SPMIP2: variants seen among roughly 807,000 people sequenced by gnomAD.
The protein encoded by SPMIP2 is sperm microtubule inner protein 2, also known as protein SPMIP2.
the SPMIP2 span, among the ~76,000 whole-genome samples, chr4:158,964,151 T>TCAAAA: frequency 0.36 from 35,759 of 99,896 alleles, 6,289 homozygotes; most frequent in Non-Finnish European, 0.51. Flanking sequence ...TGAGACTATC[T>TCAAAA]CAAAACAAAA....
At chr4:158,912,345 C>T in the SPMIP2 span, among the ~76,000 whole-genome samples, 1 of 152,138 alleles carries the variant, frequency 6.6e-6, no homozygotes, top group African/African-American at 2.4e-5. Flanking sequence ...GAAAACCAAA[C>T]TCAAAGCATG....
At chr4:159,039,925 G>C in the SPMIP2 span, among the ~76,000 whole-genome samples, 4 of 152,182 alleles carry the variant, frequency 2.6e-5, no homozygotes, top group Admixed American at 2.6e-4. Flanking sequence ...ATATCTTAAT[G>C]ATATAAAAGT....
the SPMIP2 span, among the ~76,000 whole-genome samples, chr4:159,033,868 T>C: frequency 6.6e-6 from 1 of 152,136 alleles, no homozygotes; most frequent in South Asian, 2.1e-4. Flanking sequence ...AAAGGCCAGG[T>C]TCACGCCTGG....
the SPMIP2 span, chr4:158,904,363 A>G: frequency 2.9e-6 from 3 of 1,025,910 alleles, no homozygotes; most frequent in Admixed American, 6.2e-5. Flanking sequence ...TAATCTATCA[A>G]ACTTAGTACC....
At chr4:158,964,180 AACAAAAC>A in the SPMIP2 span, among the ~76,000 whole-genome samples, 2 of 73,650 alleles carry the variant, frequency 2.7e-5, no homozygotes, top group Admixed American at 3.1e-4. Context: ...AACAAAACAA[AACAAAAC>A]AAAAAACATG....
chr4:159,025,136 A>G, the SPMIP2 span, among the ~76,000 whole-genome samples: 1 of 152,194 alleles, frequency 6.6e-6, no homozygotes, highest in Non-Finnish European at 1.5e-5. Flanking sequence ...GGGAACCAGC[A>G]GGGTGGGCAT....
chr4:158,917,490 C>A, the SPMIP2 span, among the ~76,000 whole-genome samples: 1 of 151,926 alleles, frequency 6.6e-6, no homozygotes, highest in Non-Finnish European at 1.5e-5. Flanking sequence ...CTTTCAGACA[C>A]ACACAGTCCT....
At chr4:159,047,770 C>T in the SPMIP2 span, among the ~76,000 whole-genome samples, 2 of 152,184 alleles carry the variant, frequency 1.3e-5, no homozygotes, top group South Asian at 4.1e-4. Flanking sequence ...TATGGAGAGC[C>T]CTGCCTCTGG....
At chr4:159,018,601 A>T in the SPMIP2 span, among the ~76,000 whole-genome samples, 2 of 152,230 alleles carry the variant, frequency 1.3e-5, no homozygotes, top group Non-Finnish European at 2.9e-5. Context: ...AACTATAAAA[A>T]GTGAAAGGAG....
At chr4:159,066,520 A>ATATG in the SPMIP2 span, among the ~76,000 whole-genome samples, 1 of 151,488 alleles carries the variant, frequency 6.6e-6, no homozygotes, top group East Asian at 1.9e-4. Context: ...GTGTGTGTAT[A>ATATG]TATGTATGTA....
chr4:159,044,246 G>C, the SPMIP2 span, among the ~76,000 whole-genome samples: 1 of 151,674 alleles, frequency 6.6e-6, no homozygotes, highest in South Asian at 2.1e-4. Flanking sequence ...CACGGTGCCT[G>C]TAGTCCCACC....
chr4:159,016,553 A>G, the SPMIP2 span, among the ~76,000 whole-genome samples: 1 of 152,056 alleles, frequency 6.6e-6, no homozygotes, highest in East Asian at 1.9e-4. Context: ...TAAGTTGGTT[A>G]TTTATTTATT....
chr4:159,021,607 G>A, the SPMIP2 span, among the ~76,000 whole-genome samples: 2 of 152,228 alleles, frequency 1.3e-5, no homozygotes, highest in Non-Finnish European at 2.9e-5. Context: ...TTCAGAAGCA[G>A]AAGTAGAATC....
At chr4:159,037,545 G>A in the SPMIP2 span, among the ~76,000 whole-genome samples, 6 of 151,558 alleles carry the variant, frequency 4.0e-5, no homozygotes, top group African/African-American at 9.7e-5. Flanking sequence ...TTGGGAGGTC[G>A]AGATGGGTGA....
the SPMIP2 span, among the ~76,000 whole-genome samples, chr4:159,006,883 G>A: frequency 3.9e-5 from 6 of 152,324 alleles, no homozygotes; most frequent in African/African-American, 1.4e-4. Flanking sequence ...AACGAGGGCT[G>A]AGGGTCCTCC....
At chr4:158,912,395 G>A in the SPMIP2 span, among the ~76,000 whole-genome samples, 1 of 152,078 alleles carries the variant, frequency 6.6e-6, no homozygotes, top group East Asian at 1.9e-4. Context: ...TATTTTGATG[G>A]GAAAGTTTAT....
At chr4:159,000,483 T>G in the SPMIP2 span, among the ~76,000 whole-genome samples, 2 of 142,310 alleles carry the variant, frequency 1.4e-5, no homozygotes, top group African/African-American at 2.6e-5. Flanking sequence ...TTTGTCTGGC[T>G]TCTTCTTCTT....
chr4:158,950,641 A>G, the SPMIP2 span, among the ~76,000 whole-genome samples: 2 of 152,182 alleles, frequency 1.3e-5, no homozygotes, highest in Non-Finnish European at 2.9e-5. Flanking sequence ...CACACCTGTA[A>G]TCCCAGCACT....
At chr4:158,926,586 T>C in the SPMIP2 span, among the ~76,000 whole-genome samples, 3 of 152,202 alleles carry the variant, frequency 2.0e-5, no homozygotes, top group African/African-American at 7.2e-5. Flanking sequence ...GCCCAATATA[T>C]GGTCTATCTT....
Sources: gnomAD v4.1 joint callset for allele counts (sites outside exome capture counted in the v4.1 genomes callset) on GRCh38, gnomAD v4.1.1 for gene constraint, MANE v1.5 for transcripts, NCBI Gene and HGNC (gene_info 2026-07-23, HGNC 2026-07-21) for gene names.